Variants in PRPF3 observed in about 807,000 individuals in gnomAD.
The protein encoded by PRPF3 is U4/U6 small nuclear ribonucleoprotein Prp3.
A neutral mutation model predicts 89.2 loss-of-function variants in PRPF3; 3 were observed. That is an observed-to-expected ratio of 0.03 (90% CI 0.02 to 0.09). PRPF3 has a LOEUF of 0.09. Among genes scored for constraint, PRPF3 ranks in the 10% least tolerant of loss-of-function variants. The probability of loss-of-function intolerance (pLI) is 1.00; values close to 1 mark genes in which losing one functional copy is unlikely to be tolerated. For missense variants in PRPF3, 463 were observed against 828.8 expected (o/e 0.56, Z 5.42); for synonymous variants, 270 against 289.1 (o/e 0.93, Z 0.67).
intron 9 of PRPF3, among the ~76,000 whole-genome samples, chr1:150,341,308 G>A (rs940739629): frequency 6.6e-6 from 1 of 151,570 alleles, no homozygotes; most frequent in Admixed American, 6.6e-5. Flanking sequence ...TATTAGATGC[G>A]ATATGCTCCA....
intron 1 of PRPF3, 106 bp from the exon 2 acceptor site, chr1:150,324,789 C>T: frequency 1.2e-6 from 1 of 803,358 alleles, no homozygotes; most frequent in East Asian, 2.9e-5. Context: ...CCAGGCAGTC[C>T]ATCCACCTTG....
At chr1:150,332,915 GTGTA>G in intron 5 of PRPF3, 60 bp from the exon 6 acceptor site, 5 of 1,515,836 alleles carry the variant, frequency 3.3e-6, no homozygotes, top group Non-Finnish European at 4.6e-6. Context: ...GTATATCTGT[GTGTA>G]TGTATGTGTG....
At chr1:150,324,504 G>C (rs1655474486) in intron 1 of PRPF3, among the ~76,000 whole-genome samples, 1 of 151,820 alleles carries the variant, frequency 6.6e-6, no homozygotes, top group African/African-American at 2.4e-5. Context: ...TGAGAATAGG[G>C]CTGGGGAATG....
Position 150,324,878 on chromosome 1 carries a change from C to CTTT in PRPF3, c.-48-16_-48-15insTTT. 4 of 640,338 alleles carry CTTT rather than the reference C, an allele frequency of 6.2e-6. No homozygotes were observed. The highest frequency in any genetic ancestry group is 7.0e-6 in the Non-Finnish European group (3 of 429,714). The allele number at this position is 640,338 out of a possible 1,614,324, so 39.7% of individuals were successfully genotyped here. On this transcript the variant is annotated splice_polypyrimidine_tract_variant and intron_variant, in intron 1 of 15. Transcript: ENST00000324862. ...AGTCTTTTCTTATTCTCTAACTTGT[C>CTTT]TCTTTTTTTTTTTTAGGTGTAGTAT...
intron 12 of PRPF3, 165 bp from the exon 13 acceptor site, chr1:150,345,853 C>G: frequency 1.4e-6 from 1 of 717,620 alleles, no homozygotes; most frequent in Non-Finnish European, 2.5e-6. Context: ...GGAAATATTT[C>G]TAGACTCATC....
At chr1:150,343,249 AT>A (rs374394798) in intron 9 of PRPF3, 59 bp from the exon 10 acceptor site, 7,476 of 150,416 alleles carry the variant, frequency 0.05, 51 homozygotes, top group African/African-American at 0.11. Flanking sequence ...AAAAAAAAAA[AT>A]ATATATATAT....
At chr1:150,342,947 G>A (rs1553871772) in intron 9 of PRPF3, among the ~76,000 whole-genome samples, 2 of 152,174 alleles carry the variant, frequency 1.3e-5, no homozygotes, top group African/African-American at 4.8e-5. Context: ...AGAATTACAG[G>A]CATAAGCCAC....
At chr1:150,329,137 C>G (rs1656052228) in intron 4 of PRPF3, among the ~76,000 whole-genome samples, 1 of 150,704 alleles carries the variant, frequency 6.6e-6, no homozygotes. Flanking sequence ...TCAAGCGATT[C>G]TCCTGCCTAA....
chr1:150,324,637 A>C (rs1487938304), intron 1 of PRPF3, among the ~76,000 whole-genome samples: 11 of 148,792 alleles, frequency 7.4e-5, no homozygotes, highest in Non-Finnish European at 1.3e-4. Flanking sequence ...TGCAAGCTCT[A>C]CCTCCCTGGT....
At chr1:150,339,322 G>A (rs1553869355) in intron 8 of PRPF3, among the ~76,000 whole-genome samples, 4 of 151,028 alleles carry the variant, frequency 2.6e-5, no homozygotes. Context: ...GCTGCAGTCA[G>A]CTATGATCAT....
chr1:150,343,223 C>T, intron 9 of PRPF3, 86 bp from the exon 10 acceptor site: 2 of 809,524 alleles, frequency 2.5e-6, no homozygotes, highest in Non-Finnish European at 3.1e-6. Context: ...ACCTGGGTGA[C>T]AGAGTGAGAG....
chr1:150,347,601 C>T (rs1658426658), intron 14 of PRPF3, among the ~76,000 whole-genome samples: 1 of 151,770 alleles, frequency 6.6e-6, no homozygotes, highest in African/African-American at 2.4e-5. Context: ...GGTGGTGGAC[C>T]TCTGTAATCC....
chr1:150,348,428 T>G (rs1190030337), intron 14 of PRPF3, among the ~76,000 whole-genome samples: 1 of 147,820 alleles, frequency 6.8e-6, no homozygotes, highest in Non-Finnish European at 1.5e-5. Flanking sequence ...TTAAGATACC[T>G]GAGAATAAAA....
chr1:150,352,899 C>T lies in PRPF3; in HGVS notation c.1972C>T (p.Arg658Cys). 1.2e-6 allele frequency: 2 copies of T among 1,614,130 alleles called. No individual in the cohort carries two copies. The highest frequency in any genetic ancestry group is 1.7e-6 in the Non-Finnish European group (2 of 1,180,018). Residue 658 changes from arginine to cysteine, a missense_variant, in exon 16 of 16, where the codon CGT becomes TGT. Arg to Cys is a radical substitution (Grantham distance 180). Around this residue, in one of 8 missense-constraint regions of PRPF3, gnomAD observed 78 missense variants for 96.6 expected, o/e 0.81. Transcript: ENST00000324862. ...FKQCPTENMA[R>C]EHFKKHGAEH... ...ACAGTGTCCTACAGAGAACATGGCT[C>T]GTGAGCATTTCAAAAAGCATGGGGC...
intron 5 of PRPF3, 49 bp downstream of exon 5, chr1:150,332,816 T>C (rs587609424): frequency 1.3e-6 from 2 of 1,591,830 alleles, no homozygotes; most frequent in Admixed American, 3.4e-5. Context: ...GCACAGAATT[T>C]CTTGCCATCC....
At chr1:150,332,207 G>A (rs1385821903) in intron 4 of PRPF3, among the ~76,000 whole-genome samples, 2 of 145,422 alleles carry the variant, frequency 1.4e-5, no homozygotes, top group Non-Finnish European at 3.0e-5. Flanking sequence ...CTGAGTGACA[G>A]AGCGAGACTC....
chr1:150,336,318 G>A (rs977501639), intron 7 of PRPF3, among the ~76,000 whole-genome samples: 5 of 152,146 alleles, frequency 3.3e-5, no homozygotes, highest in Non-Finnish European at 5.9e-5. Flanking sequence ...CTGACAGGAG[G>A]TGGAGCTCAG....
chr1:150,344,557 C>T lies in PRPF3; in HGVS notation c.1640+10C>T. 1 of 1,613,270 alleles carries T rather than the reference C, an allele frequency of 6.2e-7. No homozygotes were observed. The highest frequency in any genetic ancestry group is 8.5e-7 in the Non-Finnish European group (1 of 1,179,420). ...ACATATCTGTATATAGGTAGGTGTC[C>T]ATACTGGGCCAAACTTCCCCTTAGA... On this transcript the variant is annotated intron_variant, in intron 12 of 15. Transcript: ENST00000324862.
Position 150,324,911 on chromosome 1 carries a change from T to C in PRPF3, c.-32T>C. Reference sequence around the variant, plus strand: ...TTTTTTTAGGTGTAGTATTGAGTCCTGTTTGAGCTATTGTTCTCTTTTTCC... The same window carrying C: ...TTTTTTTAGGTGTAGTATTGAGTCCCGTTTGAGCTATTGTTCTCTTTTTCC... On this transcript the variant is annotated 5_prime_UTR_variant, in exon 2 of 16. Transcript: ENST00000324862. 1 of 1,597,996 alleles carries C rather than the reference T, an allele frequency of 6.3e-7. No homozygotes were observed. The highest frequency in any genetic ancestry group is 8.5e-7 in the Non-Finnish European group (1 of 1,170,852).
Sources: allele counts gnomAD v4.1 joint callset (sites outside exome capture counted in the v4.1 genomes callset), GRCh38; gene constraint gnomAD v4.1.1; regional missense constraint gnomAD v4.1.1; transcripts MANE v1.5; gene names NCBI Gene and HGNC (gene_info 2026-07-23, HGNC 2026-07-21).